The following HIC2 variants were observed in gnomAD, a reference collection of about 807,000 sequenced individuals.
The protein encoded by HIC2 is HIC ZBTB transcriptional repressor 2.
HIC2 carries 2 observed loss-of-function variants against 39.5 expected under a neutral mutation model. The ratio of observed to expected loss-of-function variants is 0.05; its 90% CI spans 0.02 to 0.16. The LOEUF (loss-of-function observed/expected upper bound fraction) is 0.16, where lower values mean the gene tolerates loss of function less well. Among genes scored for constraint, HIC2 ranks in the 10% least tolerant of loss-of-function variants. The probability of loss-of-function intolerance (pLI) is 1.00; values close to 1 mark genes in which losing one functional copy is unlikely to be tolerated. For synonymous variants in HIC2, 399 were observed against 368.8 expected (o/e 1.08, Z -0.94); for missense variants, 713 against 863.5 (o/e 0.83, Z 2.18).
intron 2 of HIC2, among the ~76,000 whole-genome samples, chr22:21,444,426 TG>T (rs1228336788): frequency 6.6e-6 from 1 of 152,230 alleles, no homozygotes; most frequent in Non-Finnish European, 1.5e-5. Flanking sequence ...CAGTTTGATT[TG>T]GGCCCTGCCG....
rs769376280 is a variant in HIC2, at chr22:21,445,660, C to G, written c.765C>G (p.Pro255=). The G allele has an allele frequency of 1.2e-6, 2 of 1,605,272 alleles. No individual in the cohort carries two copies. The highest frequency in any genetic ancestry group is 8.5e-7 in the Non-Finnish European group (1 of 1,176,646). The part of the protein sequence containing the change: ...LGLDLSKKSP[P]LPPATPGPHL... ...TGGACCTGTCCAAGAAAAGCCCACC[C>G]TTGCCCCCTGCCACCCCAGGTCCCC... Residue 255 remains proline, a synonymous_variant, in exon 3 of 3, where the codon CCC becomes CCG. Coordinates refer to ENST00000407464, the MANE Select transcript of HIC2 (RefSeq NM_015094.3).
Position 21,444,931 on chromosome 22 carries a change from G to C in HIC2, c.36G>C (p.Ala12=), listed in dbSNP as rs765446031. 1 of 1,610,910 alleles carries C rather than the reference G, an allele frequency of 6.2e-7. No homozygotes were observed. The highest frequency in any genetic ancestry group is 1.1e-5 in the South Asian group (1 of 91,002). The change falls in exon 3 of 3, where the codon GCG becomes GCC. Residue 12 remains alanine (A), a synonymous_variant. Transcript: ENST00000407464. ...VSGPLALRWC[A]WAGRGDMGPD... ...CTGTTCTTGCCCACAGGTGGTGCGC[G>C]TGGGCAGGGCGCGGGGACATGGGGC...
At chr22:21,443,926 C>CT (rs1177951005) in intron 2 of HIC2, among the ~76,000 whole-genome samples, 5 of 152,240 alleles carry the variant, frequency 3.3e-5, no homozygotes, top group South Asian at 2.1e-4. Context: ...CCCCCGGCGT[C>CT]TATCTGGTGC....
rs1924089869 is a variant in HIC2, at chr22:21,450,150, G to GT, written c.*3408dup. On this transcript the variant is annotated 3_prime_UTR_variant, in exon 3 of 3. Coordinates refer to ENST00000407464, the MANE Select transcript of HIC2 (RefSeq NM_015094.3). Reference sequence around the variant, plus strand: ...TATTTATTTCTCAGACTTGGGGCGAGTGAGCGGGTGGCAGGCCGGGCTCCG... The same window carrying GT: ...TATTTATTTCTCAGACTTGGGGCGAGTTGAGCGGGTGGCAGGCCGGGCTCCG... 2 of 152,866 alleles carry GT rather than the reference G, an allele frequency of 1.3e-5. No homozygotes were observed. Among genetic ancestry groups the GT allele is most frequent in the African/African-American group, 4.8e-5 (2 of 41,562 alleles). The allele number at this position is 152,866 out of a possible 1,614,324, so 9.5% of individuals were successfully genotyped here. A position where few individuals can be genotyped will look rare whatever the true frequency, so the allele number is the denominator to read the frequency against.
rs1923995901 is a variant in HIC2 at position 21,448,680 on chromosome 22, G to C, written c.*1937G>C. On this transcript the variant is annotated 3_prime_UTR_variant, in exon 3 of 3. Coordinates refer to ENST00000407464, the MANE Select transcript of HIC2 (RefSeq NM_015094.3). ...CCAAGTGGTGAGCGGCGTCTTTTGG[G>C]GGTGAGGGAGCTTGGGTAGATGAGG... is the stretch of plus-strand genomic sequence containing the variant. 1.3e-5 allele frequency: 2 copies of C among 152,786 alleles called. No individual in the cohort carries two copies. The highest frequency in any genetic ancestry group is 2.9e-5 in the Non-Finnish European group (2 of 68,092). The allele number at this position is 152,786 out of a possible 1,614,324, so 9.5% of individuals were successfully genotyped here.
At chr22:21,443,844 C>T (rs1006881550) in intron 2 of HIC2, among the ~76,000 whole-genome samples, 1 of 152,172 alleles carries the variant, frequency 6.6e-6, no homozygotes, top group East Asian at 1.9e-4. Flanking sequence ...TCATTCAAAG[C>T]CTTCCAGAGT....
chr22:21,447,073 G>A lies in HIC2; in HGVS notation c.*330G>A. ...CTTTGTTGCAGGCGGCTTGGAGAAA[G>A]GGCAGTGGGACGCTGGCCACGGCCA... On this transcript the variant is annotated 3_prime_UTR_variant, in exon 3 of 3. Coordinates refer to ENST00000407464, the MANE Select transcript of HIC2 (RefSeq NM_015094.3). 1 of 322,512 alleles carries A rather than the reference G, an allele frequency of 3.1e-6. No homozygotes were observed. Among genetic ancestry groups the A allele is most frequent in the Admixed American group, 4.6e-5 (1 of 21,730 alleles). 20.0% of individuals were successfully genotyped at this position (322,512 alleles called of 1,614,324 possible).
Position 21,446,819 on chromosome 22 carries a change from C to G in HIC2, c.*76C>G. The G allele has an allele frequency of 2.0e-6, 3 of 1,528,148 alleles. No homozygotes were observed. Among genetic ancestry groups the G allele is most frequent in the Non-Finnish European group, 2.6e-6 (3 of 1,139,056 alleles). 94.7% of individuals were successfully genotyped at this position (1,528,148 alleles called of 1,614,324 possible). On this transcript the variant is annotated 3_prime_UTR_variant, in exon 3 of 3. Coordinates refer to ENST00000407464, the MANE Select transcript of HIC2 (RefSeq NM_015094.3). ...TGGAAGGAGAAGCGAGGTGATGCAG[C>G]AGCAGGGGCAAGACCCTGGGTCCAG...
At position 21,445,683 on chromosome 22, in the gene HIC2, C is replaced by T. The variant is rs1245413058; in HGVS notation, c.788C>T (p.Pro263Leu). ...SPPLPPATPG[P>L]HLTPDDAAQL... Reference sequence around the variant, plus strand: ...CCCTTGCCCCCTGCCACCCCAGGTCCCCACCTCACTCCCGATGACGCAGCC... The same window carrying T: ...CCCTTGCCCCCTGCCACCCCAGGTCTCCACCTCACTCCCGATGACGCAGCC... Residue 263 changes from proline to leucine, a missense_variant, in exon 3 of 3, where the codon CCC becomes CTC. Coordinates refer to ENST00000407464, the MANE Select transcript of HIC2 (RefSeq NM_015094.3). The T allele has an allele frequency of 1.9e-6, 3 of 1,611,376 alleles. No homozygotes were observed. Among genetic ancestry groups the T allele is most frequent in the Non-Finnish European group, 2.5e-6 (3 of 1,179,334 alleles).
rs1485947869 is a variant in HIC2, at chr22:21,445,908, A to G, written c.1013A>G (p.Glu338Gly). 2 of 1,599,500 alleles carry G rather than the reference A, an allele frequency of 1.3e-6. No individual in the cohort carries two copies. The highest frequency in any genetic ancestry group is 1.7e-6 in the Non-Finnish European group (2 of 1,173,994). ...KSLRHSTRKK[E>G]WGKKEPVAGS... is the part of the protein sequence containing the mutation. ...CTCCGGCACTCCACTCGGAAGAAGG[A>G]GTGGGGCAAGAAGGAGCCTGTGGCT... is the stretch of plus-strand genomic sequence containing the variant. The change falls in exon 3 of 3, where the codon GAG (glutamate) becomes GGG (glycine). Residue 338 changes from glutamate (E) to glycine (G), a missense_variant. By Grantham distance (98) the Glu-to-Gly change is moderately conservative. Coordinates refer to ENST00000407464, the MANE Select transcript of HIC2 (RefSeq NM_015094.3).
rs1311692081 is a variant in HIC2, at chr22:21,446,932, G to A, written c.*189G>A. On this transcript the variant is annotated 3_prime_UTR_variant, in exon 3 of 3. Coordinates refer to ENST00000407464, the MANE Select transcript of HIC2 (RefSeq NM_015094.3). ...CGTACCAAGCAGAGCCGAGAGGAGGGAAGCCAGGGGTCCCAGCCCGTCTAC... is the reference window on the plus strand; with the variant it reads ...CGTACCAAGCAGAGCCGAGAGGAGGAAAGCCAGGGGTCCCAGCCCGTCTAC... 8.5e-6 allele frequency: 7 copies of A among 822,702 alleles called. No homozygotes were observed. The highest frequency in any genetic ancestry group is 1.1e-5 in the Non-Finnish European group (6 of 550,802). 51.0% of individuals were successfully genotyped at this position (822,702 alleles called of 1,614,324 possible). A position where few individuals can be genotyped will look rare whatever the true frequency, so the allele number is the denominator to read the frequency against.
In HIC2 at chr22:21,449,902, C is replaced by T. The variant is rs1285246445; in HGVS notation, c.*3159C>T. The T allele has an allele frequency of 1.3e-5, 2 of 152,734 alleles. No homozygotes were observed. Among genetic ancestry groups the T allele is most frequent in the East Asian group, 3.8e-4 (2 of 5,262 alleles). 9.5% of individuals were successfully genotyped at this position (152,734 alleles called of 1,614,324 possible). A position where few individuals can be genotyped will look rare whatever the true frequency, so the allele number is the denominator to read the frequency against. Reference sequence around the variant, plus strand: ...GCTTGGGTCCCCCTGCTGCTCTGCCCGTGACCCTTGGGGATGGGTTGATGC... The same window carrying T: ...GCTTGGGTCCCCCTGCTGCTCTGCCTGTGACCCTTGGGGATGGGTTGATGC... On this transcript the variant is annotated 3_prime_UTR_variant, in exon 3 of 3. Coordinates refer to ENST00000407464, the MANE Select transcript of HIC2 (RefSeq NM_015094.3).
At position 21,446,046 on chromosome 22, in the gene HIC2, C is replaced by T. The variant is rs749598595; in HGVS notation, c.1151C>T (p.Pro384Leu). 9.4e-6 allele frequency: 15 copies of T among 1,601,160 alleles called. No homozygotes were observed. The African/African-American group carries it at 1.6e-4, about 17-fold the overall frequency. Reference protein sequence around the residue: ...PNGILASGAGPSGPYGEPPYP... With the variant: ...PNGILASGAGLSGPYGEPPYP... ...GGCATCCTGGCTAGTGGGGCTGGCCCTAGCGGGCCCTATGGGGAGCCCCCC... is the reference window on the plus strand; with the variant it reads ...GGCATCCTGGCTAGTGGGGCTGGCCTTAGCGGGCCCTATGGGGAGCCCCCC... The change falls in exon 3 of 3, where the codon CCT becomes CTT. Residue 384 changes from proline (P) to leucine (L), a missense_variant. Coordinates refer to ENST00000407464, the MANE Select transcript of HIC2 (RefSeq NM_015094.3).
intron 2 of HIC2, among the ~76,000 whole-genome samples, chr22:21,444,522 C>T (rs1218666118): frequency 6.6e-6 from 1 of 152,220 alleles, no homozygotes; most frequent in Non-Finnish European, 1.5e-5. Context: ...CTCTGCTTCC[C>T]GAAGTTTAAA....
Position 21,449,741 on chromosome 22 carries a change from C to G in HIC2, c.*2998C>G, listed in dbSNP as rs1311599681. 3 of 152,638 alleles carry G rather than the reference C, an allele frequency of 2.0e-5. No individual in the cohort carries two copies. The highest frequency in any genetic ancestry group is 4.4e-5 in the Non-Finnish European group (3 of 68,128). The allele number at this position is 152,638 out of a possible 1,614,324, so 9.5% of individuals were successfully genotyped here. A position where few individuals can be genotyped will look rare whatever the true frequency, so the allele number is the denominator to read the frequency against. ...CCTCGTCCCCATTCCCAGGGCCCCT[C>G]CAAGCCCAGCTGGCACCAAAGAGCT... On this transcript the variant is annotated 3_prime_UTR_variant, in exon 3 of 3. Coordinates refer to ENST00000407464, the MANE Select transcript of HIC2 (RefSeq NM_015094.3).
chr22:21,425,979 G>C (rs1923230500), intron 1 of HIC2, among the ~76,000 whole-genome samples: 1 of 152,298 alleles, frequency 6.6e-6, no homozygotes, highest in Admixed American at 6.5e-5. Context: ...CGAAGTGCTG[G>C]GATTACAGGC....
In HIC2 at chr22:21,447,179, C is replaced by T. The variant is rs1352343580; in HGVS notation, c.*436C>T. ...GTGCTTGTGTCTGTGCGGGCGCGTG[C>T]AGCCCTGGTTCTGCAGGGAACAGGT... On this transcript the variant is annotated 3_prime_UTR_variant, in exon 3 of 3. Coordinates refer to ENST00000407464, the MANE Select transcript of HIC2 (RefSeq NM_015094.3). The T allele has an allele frequency of 3.4e-5, 6 of 178,664 alleles. No individual in the cohort carries two copies. The East Asian group carries it at 9.2e-4, about 27-fold the overall frequency. The allele number at this position is 178,664 out of a possible 1,614,324, so 11.1% of individuals were successfully genotyped here. A position where few individuals can be genotyped will look rare whatever the true frequency, so the allele number is the denominator to read the frequency against.
In HIC2 at chr22:21,445,981, G is replaced by T. The variant is rs572782489; in HGVS notation, c.1086G>T (p.Pro362=). Residue 362 remains proline, a synonymous_variant, in exon 3 of 3, where the codon CCG becomes CCT. Coordinates refer to ENST00000407464, the MANE Select transcript of HIC2 (RefSeq NM_015094.3). Reference sequence around the variant, plus strand: ...AAGCAGGGCCCAAGGGTCCCTGCCCGGGAGAGGAGGGTGAGGGGGTCGGGG... The same window carrying T: ...AAGCAGGGCCCAAGGGTCCCTGCCCTGGAGAGGAGGGTGAGGGGGTCGGGG... ...RREAGPKGPC[P]GEEGEGVGDR... is the part of the protein sequence containing the mutation. 2 of 1,561,974 alleles carry T rather than the reference G, an allele frequency of 1.3e-6. No individual in the cohort carries two copies. The highest frequency in any genetic ancestry group is 4.0e-5 in the Admixed American group (2 of 50,324).
chr22:21,446,712 G>A lies in HIC2; in HGVS notation c.1817G>A (p.Ser606Asn). ...GKFTQQRNLI[S>N]HLRMHTSPS ...TTCACCCAGCAGCGCAACCTCATCA[G>A]CCACCTGCGCATGCACACCTCCCCC... Residue 606 changes from serine to asparagine, a missense_variant, in exon 3 of 3, where the codon AGC becomes AAC. By Grantham distance (46) the Ser-to-Asn change is conservative. Coordinates refer to ENST00000407464, the MANE Select transcript of HIC2 (RefSeq NM_015094.3). 10 of 1,610,250 alleles carry A rather than the reference G, an allele frequency of 6.2e-6. No individual in the cohort carries two copies. Among genetic ancestry groups the A allele is most frequent in the Non-Finnish European group, 8.5e-6 (10 of 1,177,148 alleles).
Sources: allele counts gnomAD v4.1 joint callset (sites outside exome capture counted in the v4.1 genomes callset), GRCh38; gene constraint gnomAD v4.1.1; transcripts MANE v1.5; gene names NCBI Gene and HGNC (gene_info 2026-07-23, HGNC 2026-07-21).